The following CRCP variants were observed in gnomAD, a reference collection of about 807,000 sequenced individuals.
The protein encoded by CRCP is DNA-directed RNA polymerase III subunit RPC9.
Under a neutral mutation model 18.5 loss-of-function variants are expected in CRCP, and 18 were observed. The observed-to-expected ratio is 0.97, with a 90% CI of 0.67 to 1.44. The LOEUF (loss-of-function observed/expected upper bound fraction) is 1.44, where lower values mean the gene tolerates loss of function less well. CRCP is among the 40% of genes most tolerant of loss of function. The pLI, the probability that CRCP is intolerant of heterozygous loss-of-function variation, is 0.00. For synonymous variants in CRCP, 53 were observed against 62.9 expected (o/e 0.84, Z 0.75); for missense variants, 130 against 176.4 (o/e 0.74, Z 1.49).
intron 5 of CRCP, among the ~76,000 whole-genome samples, chr7:66,146,476 G>T (rs1450868510): frequency 6.6e-6 from 1 of 151,948 alleles, no homozygotes; most frequent in African/African-American, 2.4e-5. Context: ...AAACTTTAGA[G>T]AATTAACAAA....
At chr7:66,121,290 A>G (rs940143428) in intron 1 of CRCP, among the ~76,000 whole-genome samples, 1 of 151,998 alleles carries the variant, frequency 6.6e-6, no homozygotes, top group African/African-American at 2.4e-5. Flanking sequence ...AGCTCAGGTG[A>G]TTCTACCGCC....
chr7:66,133,179 A>T (rs939903780), intron 3 of CRCP, among the ~76,000 whole-genome samples: 1 of 152,044 alleles, frequency 6.6e-6, no homozygotes, highest in Non-Finnish European at 1.5e-5. Context: ...AGTTATGACT[A>T]TGGTACAATT....
intron 1 of CRCP, among the ~76,000 whole-genome samples, chr7:66,117,873 TCTC>T (rs1196618726): frequency 6.6e-6 from 1 of 152,168 alleles, no homozygotes; most frequent in Non-Finnish European, 1.5e-5. Flanking sequence ...GGTATTTCCT[TCTC>T]CTCTAACCTT....
chr7:66,116,993 C>T (rs953369162), intron 1 of CRCP, among the ~76,000 whole-genome samples: 10 of 150,718 alleles, frequency 6.6e-5, no homozygotes, highest in Middle Eastern at 3.4e-3. Context: ...TAGTGGTGGG[C>T]GCCTGTAATC....
intron 1 of CRCP, among the ~76,000 whole-genome samples, chr7:66,122,837 T>TG (rs1787487273): frequency 6.6e-6 from 1 of 152,198 alleles, no homozygotes; most frequent in African/African-American, 2.4e-5. Flanking sequence ...TGTTCTCACA[T>TG]GGTCTCTCCT....
At chr7:66,152,154 C>T in intron 5 of CRCP, 54 bp from the exon 6 acceptor site, 2 of 1,605,970 alleles carry the variant, frequency 1.2e-6, no homozygotes, top group Non-Finnish European at 1.7e-6. Flanking sequence ...GGCAGGGCTG[C>T]CCAAGGCTGT....
intron 1 of CRCP, among the ~76,000 whole-genome samples, chr7:66,124,556 C>T (rs1258397067): frequency 8.3e-6 from 1 of 121,210 alleles, no homozygotes; most frequent in Non-Finnish European, 1.6e-5. Flanking sequence ...TCCTTTCTTT[C>T]TTCCTTTCTT....
Position 66,129,795 on chromosome 7 carries a change from C to A in CRCP, c.46-949C>A, listed in dbSNP as rs550512031. Among the ~76,000 whole-genome samples, 5 of 152,232 alleles carry A rather than the reference C, an allele frequency of 3.3e-5. No homozygotes were observed. In the South Asian group the frequency reaches 1.0e-3, roughly 32 times the overall value. On this transcript the variant is annotated intron_variant, in intron 2 of 5. Transcript: ENST00000395326. ...CATTGCATTCATTGATCTCATGCCA[C>A]TATTTCTGAAAGGACCAGCAGATGA...
intron 1 of CRCP, among the ~76,000 whole-genome samples, chr7:66,117,396 C>A (rs1002100736): frequency 6.6e-6 from 1 of 152,274 alleles, no homozygotes; most frequent in Non-Finnish European, 1.5e-5. Context: ...TCTGTCATTT[C>A]ACCCATCTAT....
chr7:66,133,975 C>A (rs1189289036), intron 3 of CRCP, among the ~76,000 whole-genome samples: 3 of 150,178 alleles, frequency 2.0e-5, no homozygotes, highest in Non-Finnish European at 4.4e-5. Context: ...TCTCCTGCCT[C>A]AGCCTCCCTA....
rs1343964905 is a variant in CRCP at position 66,116,895 on chromosome 7, C to T, written c.8+1925C>T. Among the ~76,000 whole-genome samples the T allele has an allele frequency of 2.6e-5, 4 of 152,076 alleles. No individual in the cohort carries two copies. The South Asian group carries it at 6.2e-4, about 24-fold the overall frequency. ...CAGCACTTTAGGAGGCCGAAGTGGGCGAATCCCCTGAGGTCAGGAGTTTGA... is the reference window on the plus strand; with the variant it reads ...CAGCACTTTAGGAGGCCGAAGTGGGTGAATCCCCTGAGGTCAGGAGTTTGA... On this transcript the variant is annotated intron_variant, in intron 1 of 5. Coordinates refer to ENST00000395326, the MANE Select transcript of CRCP (RefSeq NM_014478.5).
intron 5 of CRCP, among the ~76,000 whole-genome samples, chr7:66,150,381 T>G (rs1214457800): frequency 3.8e-5 from 2 of 52,076 alleles, no homozygotes; most frequent in African/African-American, 8.2e-5. Context: ...GATTGTTTCT[T>G]TCTCAGAAGA....
At chr7:66,137,205 A>C (rs1787998309) in intron 4 of CRCP, among the ~76,000 whole-genome samples, 1 of 151,952 alleles carries the variant, frequency 6.6e-6, no homozygotes, top group South Asian at 2.1e-4. Context: ...ATTTTTTTAG[A>C]TTTATACCTA....
At chr7:66,119,224 G>A (rs1787361647) in intron 1 of CRCP, among the ~76,000 whole-genome samples, 4 of 152,276 alleles carry the variant, frequency 2.6e-5, no homozygotes, top group Admixed American at 1.3e-4. Context: ...TCTACAAAAC[G>A]CCCAAGAGAA....
rs1421496998 is a variant in CRCP at position 66,124,708 on chromosome 7, A to G, written c.9-2996A>G. On this transcript the variant is annotated intron_variant, in intron 1 of 5. Coordinates refer to ENST00000395326, the MANE Select transcript of CRCP (RefSeq NM_014478.5). ...CCCTTATTTCTTTTGCACAGGCATG[A>G]GCTTTCTCTCCATACACAGGTGCAC... is the stretch of plus-strand genomic sequence containing the variant. Among the ~76,000 whole-genome samples, 2 of 150,414 alleles carry G rather than the reference A, an allele frequency of 1.3e-5. 1 individual carries two copies. The highest frequency in any genetic ancestry group is 3.0e-5 in the Non-Finnish European group (2 of 67,182).
At chr7:66,145,627 A>ATG in intron 5 of CRCP, 127 bp downstream of exon 5, 1 of 957,486 alleles carries the variant, frequency 1.0e-6, no homozygotes, top group Non-Finnish European at 1.6e-6. Flanking sequence ...TTAAGGAAAA[A>ATG]GAGACCTTGC....
Position 66,133,301 on chromosome 7 carries a change from C to T in CRCP, c.145-979C>T, listed in dbSNP as rs1448689125. Among the ~76,000 whole-genome samples, 6 of 151,944 alleles carry T rather than the reference C, an allele frequency of 3.9e-5. No homozygotes were observed. The South Asian group carries it at 6.2e-4, about 16-fold the overall frequency. Reference sequence around the variant, plus strand: ...CGGGTGGATCACGAGGTCAGGAGATCGAGACCATCCTGGCTAACACGGTGA... The same window carrying T: ...CGGGTGGATCACGAGGTCAGGAGATTGAGACCATCCTGGCTAACACGGTGA... On this transcript the variant is annotated intron_variant, in intron 3 of 5. Coordinates refer to ENST00000395326, the MANE Select transcript of CRCP (RefSeq NM_014478.5).
rs202159480 is a variant in CRCP at position 66,134,360 on chromosome 7, C to G, written c.225C>G (p.Ser75Arg). Reference sequence around the variant, plus strand: ...GAGAATTTCTCACAGCATTGAAAAGCCACAAGTTGACCAAGTAAGTAAATC... The same window carrying G: ...GAGAATTTCTCACAGCATTGAAAAGGCACAAGTTGACCAAGTAAGTAAATC... The part of the protein sequence containing the change: ...IVREFLTALK[S>R]HKLTKAEKLQ... Residue 75 changes from serine (S) to arginine (R), a missense_variant, in exon 4 of 6, where the codon AGC (serine) becomes AGG (arginine). Coordinates refer to ENST00000395326, the MANE Select transcript of CRCP (RefSeq NM_014478.5). 2 of 1,607,484 alleles carry G rather than the reference C, an allele frequency of 1.2e-6. No homozygotes were observed. The highest frequency in any genetic ancestry group is 2.7e-5 in the African/African-American group (2 of 74,462).
intron 5 of CRCP, chr7:66,150,775 A>G (rs1048911599): frequency 1.3e-5 from 2 of 152,144 alleles, no homozygotes; most frequent in Admixed American, 6.5e-5. Flanking sequence ...GGGGAATGCC[A>G]TGGAATAGAA....
Sources: allele counts gnomAD v4.1 joint callset (sites outside exome capture counted in the v4.1 genomes callset), GRCh38; gene constraint gnomAD v4.1.1; transcripts MANE v1.5; gene names NCBI Gene and HGNC (gene_info 2026-07-23, HGNC 2026-07-21).